The following CENPM variants were observed in gnomAD, a reference collection of about 807,000 sequenced individuals.
CENPM encodes centromere protein M.
In CENPM, 14 loss-of-function variants were observed where a neutral mutation model predicts 19.6. That is an observed-to-expected ratio of 0.71 (90% CI 0.47 to 1.11). CENPM has a LOEUF of 1.11. CENPM is among the 50% of genes most tolerant of loss of function. The pLI is 0.00. For missense variants in CENPM, 239 were observed against 228.4 expected (o/e 1.05, Z -0.30); for synonymous variants, 114 against 101.5 (o/e 1.12, Z -0.74).
At position 41,945,220 on chromosome 22, in the gene CENPM, C is replaced by T; in HGVS notation, c.310+5G>A. 1.2e-6 allele frequency: 2 copies of T among 1,614,016 alleles called. No individual in the cohort carries two copies. Among genetic ancestry groups the T allele is most frequent in the Non-Finnish European group, 1.7e-6 (2 of 1,179,990 alleles). ...TGGGCAGTAACAGGCGAGGAACGTA[C>T]TTACCACCTGTGGCGAGGAAACACA... On this transcript the variant is annotated splice_donor_5th_base_variant and intron_variant, in intron 4 of 5. Coordinates refer to ENST00000215980, the MANE Select transcript of CENPM (RefSeq NM_024053.5).
chr22:41,946,758 C>G (rs774159515), intron 1 of CENPM: 1 of 599,338 alleles, frequency 1.7e-6, no homozygotes, highest in African/African-American at 1.9e-5. Flanking sequence ...GACCCCCAGA[C>G]GCGGGAAAAC....
chr22:41,938,515 A>G (rs1569425032), downstream of CENPM, among the ~76,000 whole-genome samples: 1 of 151,784 alleles, frequency 6.6e-6, no homozygotes. Context: ...ACAGGCGCCC[A>G]CCACCACATC....
chr22:41,944,934 A>T, intron 4 of CENPM: 1 of 1,247,264 alleles, frequency 8.0e-7, no homozygotes, highest in Non-Finnish European at 1.0e-6. Context: ...CGGTTTTTAA[A>T]TTTAACTTTT....
chr22:41,945,014 C>A, intron 4 of CENPM: 1 of 1,380,380 alleles, frequency 7.2e-7, no homozygotes, highest in Non-Finnish European at 9.5e-7. Context: ...GTTTGTTGTA[C>A]AGATCATTGT....
intron 5 of CENPM, 24 bp from the exon 6 acceptor site, chr22:41,939,220 A>C (rs754948842): frequency 6.3e-7 from 1 of 1,596,280 alleles, no homozygotes; most frequent in South Asian, 1.1e-5. Context: ...AGAGAACAGC[A>C]GTGAGATAGA....
the CENPM span, among the ~76,000 whole-genome samples, chr22:41,933,172 G>A: frequency 2.6e-5 from 4 of 152,184 alleles, no homozygotes; most frequent in African/African-American, 9.7e-5. Flanking sequence ...AAAGGGCTGT[G>A]CGCAAAGCAT....
At chr22:41,941,017 C>A (rs2077734084) in intron 5 of CENPM, among the ~76,000 whole-genome samples, 2 of 152,188 alleles carry the variant, frequency 1.3e-5, no homozygotes, top group Admixed American at 6.5e-5. Context: ...CAGAGCTCAG[C>A]AAATCCTTCT....
At chr22:41,927,462 C>T in the CENPM span, among the ~76,000 whole-genome samples, 1 of 152,106 alleles carries the variant, frequency 6.6e-6, no homozygotes, top group Admixed American at 6.5e-5. Context: ...CTGTCTCCTC[C>T]TCTCTTCCTG....
downstream of CENPM, among the ~76,000 whole-genome samples, chr22:41,935,874 CTT>C (rs763615752): frequency 1.4e-4 from 19 of 140,454 alleles, no homozygotes; most frequent in Non-Finnish European, 2.3e-4. Context: ...ATGCCCAAAT[CTT>C]TTTTTTTTTT....
At chr22:41,938,418 T>C (rs1006776267), downstream of CENPM, among the ~76,000 whole-genome samples, 1 of 134,654 alleles carries the variant, frequency 7.4e-6, no homozygotes, top group Non-Finnish European at 1.5e-5. Context: ...CAGGCTGGAG[T>C]GCAGTGGCAC....
At chr22:41,930,058 C>A in the CENPM span, among the ~76,000 whole-genome samples, 2 of 150,758 alleles carry the variant, frequency 1.3e-5, no homozygotes, top group Non-Finnish European at 2.9e-5. Context: ...ATTCTCCTGC[C>A]TCAGCCTCCC....
chr22:41,931,421 A>G, the CENPM span, among the ~76,000 whole-genome samples: 1 of 151,868 alleles, frequency 6.6e-6, no homozygotes, highest in African/African-American at 2.4e-5. Flanking sequence ...CAGAGGTTAC[A>G]GTGAGCTGAG....
the CENPM span, chr22:41,928,219 A>G: frequency 1.1e-5 from 4 of 371,676 alleles, no homozygotes; most frequent in African/African-American, 6.5e-5. This position sits in a 1 kb window ranked among gnomAD's most constrained non-coding sequence, Gnocchi z 4.0. Context: ...GCCCGCCCAC[A>G]CCTGCTCCTT....
At chr22:41,939,612 G>T (rs1285576124) in intron 5 of CENPM, among the ~76,000 whole-genome samples, 2 of 151,740 alleles carry the variant, frequency 1.3e-5, no homozygotes, top group African/African-American at 2.4e-5. Context: ...AGGAAGGAGG[G>T]AGGGGCAGCG....
chr22:41,933,919 G>A (rs573949366), downstream of CENPM, among the ~76,000 whole-genome samples: 23 of 152,288 alleles, frequency 1.5e-4, no homozygotes, highest in Admixed American at 8.5e-4. Flanking sequence ...AGCCCGTACC[G>A]AGCCACTGTC....
At chr22:41,939,270 C>T (rs554061007) in intron 5 of CENPM, 74 bp from the exon 6 acceptor site, 39 of 1,502,918 alleles carry the variant, frequency 2.6e-5, no homozygotes, top group Admixed American at 6.1e-5. Context: ...GCTGCAGGGG[C>T]TGCCAGAGCA....
intron 5 of CENPM, among the ~76,000 whole-genome samples, chr22:41,942,796 G>A (rs1331195146): frequency 2.0e-5 from 3 of 151,560 alleles, no homozygotes; most frequent in Non-Finnish European, 4.4e-5. Context: ...TTAGCTAGGT[G>A]CGGTGGTGCA....
intron 5 of CENPM, among the ~76,000 whole-genome samples, chr22:41,940,697 C>T (rs1410831341): frequency 6.6e-6 from 1 of 152,176 alleles, no homozygotes; most frequent in Non-Finnish European, 1.5e-5. Context: ...GGGTTTTTGA[C>T]TCTTTTGTTC....
At chr22:41,936,836 G>A (rs913739932), downstream of CENPM, among the ~76,000 whole-genome samples, 1 of 152,146 alleles carries the variant, frequency 6.6e-6, no homozygotes, top group East Asian at 1.9e-4. Context: ...GCTGAGGCAG[G>A]AGAATCACTT....
Sources: allele counts gnomAD v4.1 joint callset (sites outside exome capture counted in the v4.1 genomes callset), GRCh38; gene constraint gnomAD v4.1.1; non-coding constraint Gnocchi (gnomAD v3.1); transcripts MANE v1.5; gene names NCBI Gene and HGNC (gene_info 2026-07-23, HGNC 2026-07-21).